XKR9: variants seen among roughly 807,000 people sequenced by gnomAD.
XKR9 encodes XK-related protein 9.
In XKR9, 32 loss-of-function variants were observed where a neutral mutation model predicts 32.0. The observed-to-expected ratio is 1.00, with a 90% CI of 0.76 to 1.34. The LOEUF (loss-of-function observed/expected upper bound fraction) is 1.34. Ranked by LOEUF, XKR9 falls within the 40% of genes most tolerant of loss-of-function variation. The probability of loss-of-function intolerance (pLI) is 0.00; values close to 1 mark genes in which losing one functional copy is unlikely to be tolerated. For missense variants in XKR9, 546 were observed against 429.7 expected (o/e 1.27, Z -2.39); for synonymous variants, 168 against 143.4 (o/e 1.17, Z -1.22).
chr8:70,723,014 TA>T (rs1806334843), intron 4 of XKR9, among the ~76,000 whole-genome samples: 1 of 151,896 alleles, frequency 6.6e-6, no homozygotes, highest in Non-Finnish European at 1.5e-5. Flanking sequence ...TTGTTTTCTC[TA>T]ATCTTGTCTT....
At chr8:70,925,641 G>A in the XKR9 span, among the ~76,000 whole-genome samples, 2 of 152,208 alleles carry the variant, frequency 1.3e-5, no homozygotes, top group African/African-American at 4.8e-5. Flanking sequence ...TATGAATGTA[G>A]TGGTTATGTG....
At chr8:70,911,968 C>T in the XKR9 span, among the ~76,000 whole-genome samples, 1 of 152,186 alleles carries the variant, frequency 6.6e-6, no homozygotes, top group East Asian at 1.9e-4. Flanking sequence ...GGCCAGGAAG[C>T]CTGTAGGAGT....
intron 3 of XKR9, among the ~76,000 whole-genome samples, chr8:70,685,144 A>G (rs1483091725): frequency 2.0e-5 from 3 of 151,996 alleles, no homozygotes; most frequent in Non-Finnish European, 4.4e-5. Context: ...GCACATATAC[A>G]CCATGGAATA....
the XKR9 span, among the ~76,000 whole-genome samples, chr8:70,831,265 TG>T: frequency 7.1e-6 from 1 of 140,876 alleles, no homozygotes; most frequent in Non-Finnish European, 1.5e-5. Context: ...CACTCTAGCC[TG>T]GGTGACAGAG....
At chr8:70,719,005 C>T (rs1806185764) in intron 4 of XKR9, among the ~76,000 whole-genome samples, 1 of 152,106 alleles carries the variant, frequency 6.6e-6, no homozygotes, top group African/African-American at 2.4e-5. Context: ...TAATGGTCAC[C>T]ATTCTAATTG....
At chr8:70,785,336 G>C (rs1807670591) in intron 2 of XKR9, among the ~76,000 whole-genome samples, 1 of 151,670 alleles carries the variant, frequency 6.6e-6, no homozygotes, top group South Asian at 2.1e-4. Context: ...TTTTATTTCT[G>C]TGATATCAGT....
rs1301010621 is a variant in XKR9 at position 70,697,010 on chromosome 8, C to T, written c.273-9923C>T. Among the ~76,000 whole-genome samples, 21 of 151,796 alleles carry T rather than the reference C, an allele frequency of 1.4e-4. No individual in the cohort carries two copies. The East Asian group carries it at 3.1e-3, about 22-fold the overall frequency. ...GTCTGTTATTGGTGTATAAGAATGCCTGTGATTTTTGTACATTGATTTTGT... is the reference window on the plus strand; with the variant it reads ...GTCTGTTATTGGTGTATAAGAATGCTTGTGATTTTTGTACATTGATTTTGT... On this transcript the variant is annotated intron_variant, in intron 3 of 4. Transcript: ENST00000408926.
chr8:71,029,275 G>A, the XKR9 span, among the ~76,000 whole-genome samples: 4 of 152,106 alleles, frequency 2.6e-5, no homozygotes, highest in African/African-American at 9.7e-5. Context: ...TGGAACAAAT[G>A]TTTCAACTAC....
At chr8:70,793,407 T>G (rs1204469891), downstream of XKR9, among the ~76,000 whole-genome samples, 2 of 152,086 alleles carry the variant, frequency 1.3e-5, no homozygotes, top group African/African-American at 4.8e-5. Context: ...CTGGTGTATT[T>G]ATAAAAAGAG....
the XKR9 span, among the ~76,000 whole-genome samples, chr8:71,034,116 A>G: frequency 6.6e-6 from 1 of 152,160 alleles, no homozygotes; most frequent in Non-Finnish European, 1.5e-5. Context: ...AAAGTGATTG[A>G]TATGGTCTGG....
chr8:70,754,278 T>C (rs1320262044), intron 2 of XKR9, among the ~76,000 whole-genome samples: 2 of 147,110 alleles, frequency 1.4e-5, no homozygotes, highest in East Asian at 2.2e-4. Flanking sequence ...TACAAACAAA[T>C]GGGAGAACAT....
chr8:71,032,281 CAAAAAAAAAAA>C, the XKR9 span, among the ~76,000 whole-genome samples: 294 of 73,220 alleles, frequency 4.0e-3, no homozygotes, highest in African/African-American at 0.014. Context: ...GAGACTCTGT[CAAAAAAAAAAA>C]AAAAAAAAAA....
At chr8:70,766,161 T>TGGG (rs1345477467) in intron 2 of XKR9, among the ~76,000 whole-genome samples, 2 of 152,210 alleles carry the variant, frequency 1.3e-5, no homozygotes, top group African/African-American at 4.8e-5. Context: ...GGTAGCTTGA[T>TGGG]GGGAATAGCA....
chr8:70,811,269 T>C, the XKR9 span, among the ~76,000 whole-genome samples: 3 of 152,052 alleles, frequency 2.0e-5, no homozygotes, highest in Non-Finnish European at 2.9e-5. Flanking sequence ...CATACCAGAA[T>C]CTCTGGGACA....
the XKR9 span, among the ~76,000 whole-genome samples, chr8:70,990,605 C>A: frequency 6.6e-6 from 1 of 152,142 alleles, no homozygotes; most frequent in South Asian, 2.1e-4. Flanking sequence ...CACTTCAGTT[C>A]AGTTCTATGA....
the XKR9 span, among the ~76,000 whole-genome samples, chr8:70,810,718 T>A: frequency 6.6e-6 from 1 of 152,098 alleles, no homozygotes; most frequent in African/African-American, 2.4e-5. Flanking sequence ...GGTAAAGGGA[T>A]CAATTCAACA....
At chr8:70,826,731 T>G in the XKR9 span, among the ~76,000 whole-genome samples, 1 of 152,158 alleles carries the variant, frequency 6.6e-6, no homozygotes, top group South Asian at 2.1e-4. Flanking sequence ...GTTGTCTGTG[T>G]AGAAATGGAG....
At chr8:70,925,394 A>G in the XKR9 span, among the ~76,000 whole-genome samples, 1 of 152,194 alleles carries the variant, frequency 6.6e-6, no homozygotes, top group Non-Finnish European at 1.5e-5. Context: ...GCTAGGAGGG[A>G]TCAGTTTTTT....
rs1199938941 is a variant in XKR9 at position 70,756,225 on chromosome 8, A to G, written n.353-33114A>G. On this transcript the variant is annotated intron_variant and non_coding_transcript_variant, in intron 2 of 3. Coordinates refer to the XKR9 transcript ENST00000520273. ...CCTCTCAATTCTGTTCGACTACTCT[A>G]TATATCTGTTCTTTTGTCAGTACTA... 3.9e-5 allele frequency among the ~76,000 whole-genome samples: 6 copies of G among 152,178 alleles called. No homozygotes were observed. The South Asian group carries it at 1.0e-3, about 26-fold the overall frequency.
Sources: gnomAD v4.1 joint callset for allele counts (sites outside exome capture counted in the v4.1 genomes callset) on GRCh38, gnomAD v4.1.1 for gene constraint, MANE v1.5 for transcripts, NCBI Gene and HGNC (gene_info 2026-07-23, HGNC 2026-07-21) for gene names.